Variants in LRRC4C observed in about 807,000 individuals in gnomAD.
The protein encoded by LRRC4C is leucine rich repeat containing 4C.
A neutral mutation model predicts 33.6 loss-of-function variants in LRRC4C; 5 were observed. The ratio of observed to expected loss-of-function variants is 0.15; its 90% CI spans 0.08 to 0.31. LRRC4C has a LOEUF of 0.31. LRRC4C is among the 10% of genes least tolerant of loss of function. LRRC4C has a pLI of 1.00. For synonymous variants in LRRC4C, 329 were observed against 302.0 expected, an observed-to-expected ratio of 1.09 and a Z score of -0.93; for missense variants, 560 against 796.7, an observed-to-expected ratio of 0.70 and a Z score of 3.58.
intron 3 of LRRC4C, among the ~76,000 whole-genome samples, chr11:40,491,055 G>A (rs1182020827): frequency 1.3e-5 from 2 of 152,042 alleles, no homozygotes; most frequent in African/African-American, 2.4e-5. Context: ...AGACTGAGGT[G>A]GGCAGATCAT....
intron 5 of LRRC4C, among the ~76,000 whole-genome samples, chr11:40,206,064 G>A (rs1863122894): frequency 6.6e-6 from 1 of 152,002 alleles, no homozygotes; most frequent in African/African-American, 2.4e-5. Context: ...CCTAGGCTTA[G>A]AGCTCTTCAA....
intron 4 of LRRC4C, among the ~76,000 whole-genome samples, chr11:40,284,059 A>C: frequency 6.6e-6 from 1 of 152,178 alleles, no homozygotes; most frequent in East Asian, 1.9e-4. Context: ...CCAAATACAT[A>C]TAACAATAGT....
chr11:40,807,840 C>A (rs1219631381), intron 2 of LRRC4C, among the ~76,000 whole-genome samples: 1 of 152,174 alleles, frequency 6.6e-6, no homozygotes, highest in African/African-American at 2.4e-5. Flanking sequence ...TATTATATTG[C>A]TGGATACCAC....
At chr11:41,353,441 G>A (rs1449438461) in intron 1 of LRRC4C, among the ~76,000 whole-genome samples, 1 of 152,046 alleles carries the variant, frequency 6.6e-6, no homozygotes. Flanking sequence ...TCTACCAGAT[G>A]TATAAAGGGG....
chr11:40,302,753 C>G (rs1944835394), intron 4 of LRRC4C, among the ~76,000 whole-genome samples: 1 of 152,146 alleles, frequency 6.6e-6, no homozygotes, highest in Non-Finnish European at 1.5e-5. Context: ...AGTAACTTTT[C>G]ATCATTTCCC....
chr11:41,026,795 C>CA (rs34051734), intron 1 of LRRC4C, among the ~76,000 whole-genome samples: 210 of 148,228 alleles, frequency 1.4e-3, no homozygotes, highest in African/African-American at 4.8e-3. Flanking sequence ...CATTTTTTAC[C>CA]AAAAAAAAAA....
chr11:41,042,897 A>G (rs1034185919), intron 1 of LRRC4C, among the ~76,000 whole-genome samples: 2 of 152,000 alleles, frequency 1.3e-5, no homozygotes, highest in Non-Finnish European at 2.9e-5. Flanking sequence ...TTATCTTGTT[A>G]TAATTGGCAT....
intron 2 of LRRC4C, among the ~76,000 whole-genome samples, chr11:40,754,046 C>A (rs1948822814): frequency 6.6e-6 from 1 of 151,622 alleles, no homozygotes; most frequent in Non-Finnish European, 1.5e-5. Context: ...TTTAAAAATA[C>A]CACTGAATTA....
chr11:40,431,713 C>T (rs1950944010), intron 3 of LRRC4C, among the ~76,000 whole-genome samples: 1 of 152,182 alleles, frequency 6.6e-6, no homozygotes, highest in Non-Finnish European at 1.5e-5. Flanking sequence ...TCATGCTTTT[C>T]TCATAGCAAT....
chr11:40,702,772 G>A (rs1945936253), intron 2 of LRRC4C, among the ~76,000 whole-genome samples: 1 of 151,576 alleles, frequency 6.6e-6, no homozygotes, highest in Non-Finnish European at 1.5e-5. Flanking sequence ...ATTTGCCTCT[G>A]CATCTGTAAC....
intron 2 of LRRC4C, among the ~76,000 whole-genome samples, chr11:40,774,912 C>A (rs1042871491): frequency 3.9e-5 from 6 of 152,000 alleles, no homozygotes; most frequent in African/African-American, 1.2e-4. Flanking sequence ...CTTGCAAGTG[C>A]ACAAATAATT....
intron 3 of LRRC4C, among the ~76,000 whole-genome samples, chr11:40,593,330 A>T (rs11035947): frequency 0.25 from 38,560 of 152,112 alleles, 5,121 homozygotes; most frequent in Middle Eastern, 0.37. Flanking sequence ...CCTCTCATAG[A>T]CAGGAAAGTA....
intron 1 of LRRC4C, among the ~76,000 whole-genome samples, chr11:41,235,966 A>G (rs539381447): frequency 1.3e-5 from 2 of 152,170 alleles, no homozygotes; most frequent in South Asian, 2.1e-4. Context: ...TGGTGTGCCA[A>G]TGGGCCCAGC....
At chr11:40,657,337 T>C (rs1394066953) in intron 2 of LRRC4C, among the ~76,000 whole-genome samples, 2 of 152,194 alleles carry the variant, frequency 1.3e-5, no homozygotes, top group Admixed American at 6.5e-5. Context: ...GCTCCAAATA[T>C]TTAAATGTGA....
At chr11:40,399,365 G>C (rs1949670696) in intron 3 of LRRC4C, among the ~76,000 whole-genome samples, 1 of 152,184 alleles carries the variant, frequency 6.6e-6, no homozygotes, top group South Asian at 2.1e-4. Flanking sequence ...TAAAAATGAT[G>C]AGTTCATGTC....
chr11:40,646,605 TTCTC>T (rs1326512810), intron 3 of LRRC4C, among the ~76,000 whole-genome samples: 8 of 151,906 alleles, frequency 5.3e-5, no homozygotes, highest in African/African-American at 7.3e-5. Flanking sequence ...GATTCAAATC[TTCTC>T]TCTCTCTCTT....
intron 3 of LRRC4C, among the ~76,000 whole-genome samples, chr11:40,465,748 C>T (rs929646861): frequency 6.6e-6 from 1 of 151,802 alleles, no homozygotes; most frequent in East Asian, 1.9e-4. Flanking sequence ...CAGAGTAAGA[C>T]ACCATCAGAA....
chr11:40,441,902 C>T (rs1951411860), intron 3 of LRRC4C, among the ~76,000 whole-genome samples: 1 of 152,170 alleles, frequency 6.6e-6, no homozygotes, highest in Non-Finnish European at 1.5e-5. Context: ...GTGGCTCACG[C>T]CTGTAATCCC....
chr11:40,878,137 G>A (rs1309934329), intron 2 of LRRC4C, among the ~76,000 whole-genome samples: 2 of 151,994 alleles, frequency 1.3e-5, no homozygotes, highest in Non-Finnish European at 2.9e-5. Flanking sequence ...AAGAGTCACG[G>A]ATGGAAGTGG....
Sources: allele counts gnomAD v4.1 joint callset (sites outside exome capture counted in the v4.1 genomes callset), GRCh38; gene constraint gnomAD v4.1.1; transcripts MANE v1.5; gene names NCBI Gene and HGNC (gene_info 2026-07-23, HGNC 2026-07-21).